Variants in DCAF17 observed in about 807,000 individuals in gnomAD.
The protein encoded by DCAF17 is DDB1 and CUL4 associated factor 17, also known as DDB1- and CUL4-associated factor 17.
In DCAF17, 48 loss-of-function variants were observed where a neutral mutation model predicts 66.0. The ratio of observed to expected loss-of-function variants is 0.73; its 90% CI spans 0.58 to 0.92. The LOEUF is 0.92. DCAF17 is among the 40% of genes least tolerant of loss of function. The probability of loss-of-function intolerance (pLI) is 0.00; values close to 1 mark genes in which losing one functional copy is unlikely to be tolerated. For synonymous variants in DCAF17, 206 were observed against 214.6 expected (o/e 0.96, Z 0.35); for missense variants, 562 against 622.8 (o/e 0.90, Z 1.04).
intron 4 of DCAF17, 137 bp downstream of exon 4, chr2:171,448,954 T>C: frequency 2.6e-6 from 2 of 758,328 alleles, no homozygotes; most frequent in Non-Finnish European, 4.4e-6. Flanking sequence ...ATTTTCTTTT[T>C]CTCCCCTCAT....
chr2:171,440,116 A>G (rs1388995647), intron 2 of DCAF17, among the ~76,000 whole-genome samples: 1 of 152,142 alleles, frequency 6.6e-6, no homozygotes, highest in Non-Finnish European at 1.5e-5. Flanking sequence ...GTCACATACC[A>G]TCGCACCTGG....
At chr2:171,466,453 T>C (rs1197847221) in intron 8 of DCAF17, among the ~76,000 whole-genome samples, 3 of 152,200 alleles carry the variant, frequency 2.0e-5, no homozygotes, top group Admixed American at 2.0e-4. Context: ...TCCTACTCTT[T>C]TAATACTTCT....
intron 3 of DCAF17, chr2:171,447,368 CT>C (rs1694689609): frequency 1.4e-5 from 5 of 363,788 alleles, no homozygotes; most frequent in South Asian, 1.9e-5. Flanking sequence ...TTCTTTCTTT[CT>C]TTTTTTCTTT....
chr2:171,447,583 C>T lies in DCAF17; in HGVS notation c.322-1098C>T, dbSNP rs137914244. ...TTCGCCATGTTGGCCAGGCTGGTCT[C>T]GATCTCCTGACATCGTGATCCAGCC... On this transcript the variant is annotated intron_variant, in intron 3 of 13. Transcript: ENST00000375255. The T allele has an allele frequency of 2.5e-4, 42 of 165,190 alleles. 1 individual carries two copies. In the East Asian group the frequency reaches 7.3e-3, roughly 29 times the overall value. 10.2% of individuals were successfully genotyped at this position (165,190 alleles called of 1,614,324 possible).
At position 171,448,663 on chromosome 2, in the gene DCAF17, C is replaced by A. The variant is rs780693396; in HGVS notation, c.322-18C>A. The A allele has an allele frequency of 2.0e-6, 3 of 1,517,936 alleles. No individual in the cohort carries two copies. The highest frequency in any genetic ancestry group is 2.3e-5 in the East Asian group (1 of 42,668). The allele number at this position is 1,517,936 out of a possible 1,614,324, so 94.0% of individuals were successfully genotyped here. A position where few individuals can be genotyped will look rare whatever the true frequency, so the allele number is the denominator to read the frequency against. On this transcript the variant is annotated intron_variant, in intron 3 of 13. Transcript: ENST00000375255. ...TGGCCAAGCAGTTTCATTTTTATATCTCTCTTTTTTTTTTTAGGGAGATAT... is the reference window on the plus strand; with the variant it reads ...TGGCCAAGCAGTTTCATTTTTATATATCTCTTTTTTTTTTTAGGGAGATAT...
chr2:171,443,925 G>A (rs549586389), intron 3 of DCAF17, among the ~76,000 whole-genome samples: 1 of 152,218 alleles, frequency 6.6e-6, no homozygotes, highest in South Asian at 2.1e-4. Flanking sequence ...GTGTTTAAGA[G>A]ATCATTCCAC....
chr2:171,435,220 C>A (rs1312830339), intron 2 of DCAF17, 34 bp downstream of exon 2: 3 of 1,455,298 alleles, frequency 2.1e-6, no homozygotes, highest in Non-Finnish European at 2.9e-6. Context: ...CTGTAATTCA[C>A]CTCACTGTTG....
At chr2:171,476,554 G>C (rs1048906965) in intron 10 of DCAF17, among the ~76,000 whole-genome samples, 1 of 152,190 alleles carries the variant, frequency 6.6e-6, no homozygotes, top group Non-Finnish European at 1.5e-5. Flanking sequence ...GCAGAGGTAA[G>C]GTTCTTCAGA....
In DCAF17 at chr2:171,481,372, T is replaced by G. The variant is rs1165882347; in HGVS notation, c.*258T>G. On this transcript the variant is annotated 3_prime_UTR_variant, in exon 14 of 14. Transcript: ENST00000375255. ...GCTTTGAGCTAGGTGGTAATGCAAA[T>G]ATAAAATGCTGGGAACAGAAAAGGA... 9.1e-6 allele frequency: 5 copies of G among 547,938 alleles called. No homozygotes were observed. The highest frequency in any genetic ancestry group is 1.7e-5 in the Non-Finnish European group (5 of 289,022). The allele number at this position is 547,938 out of a possible 1,614,324, so 33.9% of individuals were successfully genotyped here.
In DCAF17 at chr2:171,458,466, T is replaced by C; in HGVS notation, c.827T>C (p.Ile276Thr). 1.9e-6 allele frequency: 3 copies of C among 1,613,024 alleles called. No homozygotes were observed. Among genetic ancestry groups the C allele is most frequent in the Non-Finnish European group, 2.5e-6 (3 of 1,179,064 alleles). ...GCTCCTTTTGGCATTCCTTGTAATA[T>C]TAAAATCACAGGTATGGCTACTCTA... is the stretch of plus-strand genomic sequence containing the variant. ...GEAPFGIPCNIKITDMPPLLF... is the reference protein window; with the variant it reads ...GEAPFGIPCNTKITDMPPLLF... Residue 276 changes from isoleucine (I) to threonine (T), a missense_variant, in exon 8 of 14, where the codon ATT becomes ACT. Ile to Thr is a moderately conservative substitution (Grantham distance 89). Coordinates refer to ENST00000375255, the MANE Select transcript of DCAF17 (RefSeq NM_025000.4).
chr2:171,464,764 T>C (rs1438454844), intron 8 of DCAF17, among the ~76,000 whole-genome samples: 2 of 152,166 alleles, frequency 1.3e-5, no homozygotes, highest in Non-Finnish European at 2.9e-5. Flanking sequence ...ATTTTCATAC[T>C]TCCAAATTTA....
chr2:171,460,322 CAAAAAAA>C (rs770720263), intron 8 of DCAF17, among the ~76,000 whole-genome samples: 1 of 76,976 alleles, frequency 1.3e-5, no homozygotes, highest in Non-Finnish European at 2.7e-5. Flanking sequence ...GATTCCATCT[CAAAAAAA>C]AAAAAAAAAA....
chr2:171,449,503 G>C (rs1694826114), intron 4 of DCAF17, among the ~76,000 whole-genome samples: 1 of 152,132 alleles, frequency 6.6e-6, no homozygotes. Context: ...TTAACTATTA[G>C]TTTTATAAAT....
At chr2:171,469,068 A>G (rs776939642) in intron 9 of DCAF17, 38 bp downstream of exon 9, 4 of 1,610,646 alleles carry the variant, frequency 2.5e-6, no homozygotes, top group Non-Finnish European at 3.4e-6. Context: ...GCAAATTTGT[A>G]TCAAGTTCTT....
intron 6 of DCAF17, among the ~76,000 whole-genome samples, chr2:171,455,917 T>C (rs531949458): frequency 6.6e-6 from 1 of 152,280 alleles, no homozygotes; most frequent in East Asian, 1.9e-4. Flanking sequence ...TATTAGACCT[T>C]TGTCAGAGGT....
At chr2:171,451,414 CTCTT>C (rs755376555) in intron 5 of DCAF17, among the ~76,000 whole-genome samples, 4 of 152,140 alleles carry the variant, frequency 2.6e-5, no homozygotes, top group Non-Finnish European at 5.9e-5. Flanking sequence ...TAATACTTCT[CTCTT>C]TATACTCTTA....
At chr2:171,443,137 A>C (rs1694405631) in intron 2 of DCAF17, 1 of 153,086 alleles carries the variant, frequency 6.5e-6, no homozygotes, top group Non-Finnish European at 1.5e-5. Flanking sequence ...TTTTCATTTT[A>C]AATATCAGAA....
rs373997425 is a variant in DCAF17, at chr2:171,448,684, G to A, written c.325G>A (p.Asp109Asn). The stretch of plus-strand genomic sequence containing the variant: ...ATATCTCTCTTTTTTTTTTTAGGGA[G>A]ATATACTTCCCAATTCATCAGATTA... ...DALLWECPVG[D>N]ILPNSSDYKS... The change falls in exon 4 of 14, where the codon GAT becomes AAT. Residue 109 changes from aspartate to asparagine, a missense_variant. Physicochemically the swap from Asp to Asn is conservative, Grantham distance 23 (BLOSUM62 1). Coordinates refer to ENST00000375255, the MANE Select transcript of DCAF17 (RefSeq NM_025000.4). 4.1e-5 allele frequency: 64 copies of A among 1,573,200 alleles called. No individual in the cohort carries two copies. The African/African-American group carries it at 8.0e-4, about 20-fold the overall frequency.
At chr2:171,454,374 T>A (rs1448511339) in intron 6 of DCAF17, among the ~76,000 whole-genome samples, 4 of 151,274 alleles carry the variant, frequency 2.6e-5, no homozygotes, top group Admixed American at 6.6e-5. Flanking sequence ...AATCTCTGCC[T>A]CCTGGGTTCA....
Sources: allele counts gnomAD v4.1 joint callset (sites outside exome capture counted in the v4.1 genomes callset), GRCh38; gene constraint gnomAD v4.1.1; transcripts MANE v1.5; gene names NCBI Gene and HGNC (gene_info 2026-07-23, HGNC 2026-07-21).